Variants in ADAM33 observed in about 807,000 individuals in gnomAD.
The protein encoded by ADAM33 is disintegrin and metalloproteinase domain-containing protein 33.
Under a neutral mutation model 106.2 loss-of-function variants are expected in ADAM33, and 103 were observed. That is an observed-to-expected ratio of 0.97 (90% CI 0.83 to 1.14). ADAM33 has a LOEUF of 1.14. Ranked by LOEUF, ADAM33 falls within the 50% of genes most tolerant of loss-of-function variation. The pLI, the probability that ADAM33 is intolerant of heterozygous loss-of-function variation, is 0.00. For synonymous variants in ADAM33, 483 were observed against 453.0 expected (o/e 1.07, Z -0.84); for missense variants, 1,120 against 1,096.6 (o/e 1.02, Z -0.30).
chr20:3,673,804 G>A lies in ADAM33; in HGVS notation c.846C>T (p.Phe282=), dbSNP rs775535179. The A allele has an allele frequency of 1.3e-5, 20 of 1,543,510 alleles. No individual in the cohort carries two copies. The highest frequency in any genetic ancestry group is 1.7e-4 in the Middle Eastern group (1 of 5,978). The stretch of plus-strand genomic sequence containing the variant: ...CCCACAGCCCCCGGCGCCACTGCAG[G>A]AAGGCCCAGAGCGTGGCGTTGGCGT... ...TQDANATLWA[F]LQWRRGLWAQ... Residue 282 remains phenylalanine, a synonymous_variant, in exon 9 of 22, where the codon TTC becomes TTT. Coordinates refer to ENST00000356518, the MANE Select transcript of ADAM33 (RefSeq NM_025220.5).
intron 1 of ADAM33, among the ~76,000 whole-genome samples, chr20:3,679,897 G>A (rs1349167515): frequency 6.6e-6 from 1 of 152,204 alleles, no homozygotes; most frequent in Non-Finnish European, 1.5e-5. Context: ...CCAGTGCAGA[G>A]GGGAAGGAAA....
At position 3,674,172 on chromosome 20, in the gene ADAM33, A is replaced by G. The variant is rs371050788; in HGVS notation, c.667-37T>C. ...GAAATCCCGGTGGCTTGAGGGGCTG[A>G]GCTGGCCCCATCCCTGACCCCGCCA... On this transcript the variant is annotated intron_variant, in intron 7 of 21. Transcript: ENST00000356518. 6.8e-6 allele frequency: 11 copies of G among 1,614,008 alleles called. No homozygotes were observed. In the African/African-American group the frequency reaches 1.5e-4, roughly 22 times the overall value.
rs1379703956 is a variant in ADAM33 at position 3,668,357 on chromosome 20, G to C, written c.*606C>G. The C allele has an allele frequency of 6.5e-6, 1 of 154,704 alleles. No individual in the cohort carries two copies. Among genetic ancestry groups the C allele is most frequent in the Non-Finnish European group, 1.4e-5 (1 of 69,526 alleles). The allele number at this position is 154,704 out of a possible 1,614,324, so 9.6% of individuals were successfully genotyped here. The stretch of plus-strand genomic sequence containing the variant: ...TCTGTCCCCCCGACACACACAGAAT[G>C]GGGGAGAGGCTGTCAGATTCTGAGC... On this transcript the variant is annotated 3_prime_UTR_variant, in exon 22 of 22. Coordinates refer to ENST00000356518, the MANE Select transcript of ADAM33 (RefSeq NM_025220.5).
rs752679414 is a variant in ADAM33, at chr20:3,671,224, C to G, written c.2092+13G>C. ...CACCCCAGCTCCTGCCCACATGCCC[C>G]CCACTGGCATACTTTCAGCCTGCAC... On this transcript the variant is annotated intron_variant, in intron 18 of 21. Transcript: ENST00000356518. 1 of 1,613,382 alleles carries G rather than the reference C, an allele frequency of 6.2e-7. No individual in the cohort carries two copies. Among genetic ancestry groups the G allele is most frequent in the Non-Finnish European group, 8.5e-7 (1 of 1,179,548 alleles).
intron 3 of ADAM33, among the ~76,000 whole-genome samples, chr20:3,676,386 G>C (rs2087956209): frequency 6.6e-6 from 1 of 151,822 alleles, no homozygotes; most frequent in Non-Finnish European, 1.5e-5. Context: ...CCCAAGTGTA[G>C]CCACTGCATC....
chr20:3,672,418 GCCAGGCCTACCCAAGC>G (rs1353321011), intron 13 of ADAM33, 89 bp from the exon 14 acceptor site: 1 of 1,576,096 alleles, frequency 6.3e-7, no homozygotes, highest in African/African-American at 1.3e-5. Context: ...AGCTGGGGGA[GCCAGGCCTACCCAAGC>G]CCAGCACCCA....
chr20:3,677,178 C>T, intron 2 of ADAM33, 35 bp from the exon 3 acceptor site: 2 of 1,543,972 alleles, frequency 1.3e-6, no homozygotes, highest in Non-Finnish European at 1.7e-6. Flanking sequence ...GAGATGGTGG[C>T]CTCCAGGCCT....
intron 2 of ADAM33, among the ~76,000 whole-genome samples, chr20:3,679,260 G>A (rs2088249736): frequency 6.6e-6 from 1 of 151,674 alleles, no homozygotes; most frequent in Non-Finnish European, 1.5e-5. Context: ...AGAGGGAGGT[G>A]GGGTGGAGAA....
At position 3,672,201 on chromosome 20, in the gene ADAM33, G is replaced by A; in HGVS notation, c.1530C>T (p.Gly510=). The part of the protein sequence containing the change: ...YLLDGSPCAR[G]SGYCWDGACP... ...ATGCGCCATCCCAGCAGTAGCCACT[G>A]CCCCTGGCACAGGGTGAGCCGTCCA... Residue 510 remains glycine, a synonymous_variant, in exon 14 of 22, where the codon GGC becomes GGT. Transcript: ENST00000356518. 2 of 1,613,416 alleles carry A rather than the reference G, an allele frequency of 1.2e-6. No homozygotes were observed. Among genetic ancestry groups the A allele is most frequent in the South Asian group, 2.2e-5 (2 of 91,084 alleles).
In ADAM33 at chr20:3,671,695, A is replaced by T. The variant is rs1404804725; in HGVS notation, c.1791T>A (p.Val597=). 2 of 1,587,126 alleles carry T rather than the reference A, an allele frequency of 1.3e-6. No homozygotes were observed. Among genetic ancestry groups the T allele is most frequent in the Non-Finnish European group, 1.7e-6 (2 of 1,166,410 alleles). Residue 597 remains valine, a synonymous_variant, in exon 16 of 22, where the codon GTT becomes GTA. Transcript: ENST00000356518. ...AAGTCACTTCCTGGCCATCTAGGTG[A>T]ACGGTAGAGTCCACTGGCACCATGT... ...APHMVPVDST[V]HLDGQEVTCR...
At chr20:3,672,035 C>T in intron 14 of ADAM33, 50 bp from the exon 15 acceptor site, 1 of 1,553,632 alleles carries the variant, frequency 6.4e-7, no homozygotes, top group Non-Finnish European at 8.7e-7. Context: ...GGGCTGCGCT[C>T]AGCGGGCCTC....
At chr20:3,681,736 C>T (rs1046577417) in intron 1 of ADAM33, among the ~76,000 whole-genome samples, 172 bp downstream of exon 1, 2 of 152,140 alleles carry the variant, frequency 1.3e-5, no homozygotes, top group African/African-American at 4.8e-5. Flanking sequence ...CGTCCCTGGG[C>T]AGGTCCCACG....
rs540127778 is a variant in ADAM33 at position 3,671,864 on chromosome 20, C to T, written c.1706+13G>A. On this transcript the variant is annotated intron_variant, in intron 15 of 21. Coordinates refer to ENST00000356518, the MANE Select transcript of ADAM33 (RefSeq NM_025220.5). ...CATAGCTTCTGCTCCCTCCACTCAG[C>T]TCCACTCCCTACCTCCCTGCACAGG... The T allele has an allele frequency of 6.4e-7, 1 of 1,551,910 alleles. No individual in the cohort carries two copies. The highest frequency in any genetic ancestry group is 1.2e-5 in the South Asian group (1 of 84,088).
intron 4 of ADAM33, 80 bp from the exon 5 acceptor site, chr20:3,674,929 G>A (rs1370469677): frequency 6.2e-7 from 1 of 1,606,866 alleles, no homozygotes; most frequent in South Asian, 1.1e-5. Context: ...GTAGGGGCTG[G>A]CTCCAACCGC....
At chr20:3,677,759 A>G (rs2088102414) in intron 2 of ADAM33, among the ~76,000 whole-genome samples, 1 of 152,124 alleles carries the variant, frequency 6.6e-6, no homozygotes, top group Non-Finnish European at 1.5e-5. Context: ...CAGCCAAGAG[A>G]GCACACTGGC....
At position 3,673,736 on chromosome 20, in the gene ADAM33, G is replaced by A. The variant is rs914194572; in HGVS notation, c.905+9C>T. On this transcript the variant is annotated intron_variant, in intron 9 of 21. Transcript: ENST00000356518. ...ACCCGGGACCCGCGTCCGGGTCAGA[G>A]GCACCCACGTGAGCAGCTGCGCGGA... The A allele has an allele frequency of 8.1e-6, 12 of 1,473,848 alleles. No homozygotes were observed. The highest frequency in any genetic ancestry group is 1.3e-5 in the South Asian group (1 of 76,102). The allele number at this position is 1,473,848 out of a possible 1,614,324, so 91.3% of individuals were successfully genotyped here.
Position 3,676,744 on chromosome 20 carries a change from C to T in ADAM33, c.254+323G>A, listed in dbSNP as rs544646023. Among the ~76,000 whole-genome samples the T allele has an allele frequency of 1.5e-4, 23 of 152,272 alleles. No homozygotes were observed. In the South Asian group the frequency reaches 2.9e-3, roughly 19 times the overall value. ...CCTGCCATTCCCTTAGCCTGGGGTGCCGGCTCATCTTTTCCCTCTAGGATT... is the reference window on the plus strand; with the variant it reads ...CCTGCCATTCCCTTAGCCTGGGGTGTCGGCTCATCTTTTCCCTCTAGGATT... On this transcript the variant is annotated intron_variant, in intron 3 of 21. Coordinates refer to ENST00000356518, the MANE Select transcript of ADAM33 (RefSeq NM_025220.5).
chr20:3,674,957 A>G, intron 4 of ADAM33, 70 bp downstream of exon 4: 1 of 1,610,206 alleles, frequency 6.2e-7, no homozygotes, highest in East Asian at 2.2e-5. Flanking sequence ...GAATGCAAGG[A>G]GGAGTAGGGG....
Position 3,671,132 on chromosome 20 carries a change from G to C in ADAM33, c.2114C>G (p.Ala705Gly). The change falls in exon 19 of 22, where the codon GCC (alanine) becomes GGC (glycine). Residue 705 changes from alanine to glycine, a missense_variant. Coordinates refer to ENST00000356518, the MANE Select transcript of ADAM33 (RefSeq NM_025220.5). Reference sequence around the variant, plus strand: ...AGGCAGCAGGACGCTGAGGAGCATGGCCAGCAGGAAGGTGTCATGGTCTGC... The same window carrying C: ...AGGCAGCAGGACGCTGAGGAGCATGCCCAGCAGGAAGGTGTCATGGTCTGC... ...QAENHDTFLL[A>G]MLLSVLLPLL... The C allele has an allele frequency of 6.2e-7, 1 of 1,611,228 alleles. No individual in the cohort carries two copies. Among genetic ancestry groups the C allele is most frequent in the Non-Finnish European group, 8.5e-7 (1 of 1,178,840 alleles).
Sources: gnomAD v4.1 joint callset for allele counts (sites outside exome capture counted in the v4.1 genomes callset) on GRCh38, gnomAD v4.1.1 for gene constraint, MANE v1.5 for transcripts, NCBI Gene and HGNC (gene_info 2026-07-23, HGNC 2026-07-21) for gene names.